The following MYO9B variants were observed in gnomAD, a reference collection of about 807,000 sequenced individuals.
The protein encoded by MYO9B is myosin IXB, also known as unconventional myosin-IXb.
In MYO9B, 71 loss-of-function variants were observed where a neutral mutation model predicts 229.5. That is an observed-to-expected ratio of 0.31 (90% CI 0.26 to 0.38). The LOEUF (loss-of-function observed/expected upper bound fraction) is 0.38. Among genes scored for constraint, MYO9B ranks in the 10% least tolerant of loss-of-function variants. The pLI, the probability that MYO9B is intolerant of heterozygous loss-of-function variation, is 1.00. For synonymous variants in MYO9B, 1,185 were observed against 1,235.8 expected, an observed-to-expected ratio of 0.96 and a Z score of 0.86; for missense variants, 2,255 against 2,920.5, an observed-to-expected ratio of 0.77 and a Z score of 5.25.
chr19:17,146,304 A>G (rs146148943), intron 3 of MYO9B, among the ~76,000 whole-genome samples: 1 of 149,578 alleles, frequency 6.7e-6, no homozygotes, highest in African/African-American at 2.5e-5. Context: ...CATCCATCAC[A>G]GGTGGATGGG....
At chr19:17,175,978 A>G (rs2072783761) in intron 14 of MYO9B, among the ~76,000 whole-genome samples, 1 of 150,854 alleles carries the variant, frequency 6.6e-6, no homozygotes, top group Admixed American at 6.6e-5. Context: ...GATTACAGGC[A>G]TGCGCCACGA....
intron 2 of MYO9B, among the ~76,000 whole-genome samples, chr19:17,144,290 C>T (rs1407929309): frequency 6.6e-6 from 1 of 152,076 alleles, no homozygotes; most frequent in African/African-American, 2.4e-5. Flanking sequence ...CAAATTATGT[C>T]ACAATCTGGA....
intron 14 of MYO9B, 24 bp from the exon 15 acceptor site, chr19:17,180,903 C>T (rs745628397): frequency 1.5e-5 from 23 of 1,502,004 alleles, no homozygotes; most frequent in Admixed American, 3.6e-5. Context: ...TCTGTCACTG[C>T]GCCCCCTCCA....
chr19:17,168,109 C>T lies in MYO9B; in HGVS notation c.1793+45C>T, dbSNP rs770594008. 2.1e-5 allele frequency: 33 copies of T among 1,604,372 alleles called. No individual in the cohort carries two copies. In the South Asian group the frequency reaches 3.7e-4, roughly 18 times the overall value. Reference sequence around the variant, plus strand: ...CCATCCCGGCACATCTACGCATGGGCACTGGGTCAGGTTCTGCAGCCCCCA... The same window carrying T: ...CCATCCCGGCACATCTACGCATGGGTACTGGGTCAGGTTCTGCAGCCCCCA... On this transcript the variant is annotated intron_variant, in intron 11 of 39. Coordinates refer to ENST00000682292, the MANE Select transcript of MYO9B (RefSeq NM_004145.4).
chr19:17,173,697 C>T (rs944413537), intron 13 of MYO9B, among the ~76,000 whole-genome samples: 1 of 152,144 alleles, frequency 6.6e-6, no homozygotes, highest in Admixed American at 6.6e-5. Context: ...TGGTTTGAGG[C>T]AGGGGGTGTG....
In MYO9B at chr19:17,167,470, G is replaced by A. The variant is rs564486505; in HGVS notation, c.1672-473G>A. On this transcript the variant is annotated intron_variant, in intron 10 of 39. Coordinates refer to ENST00000682292, the MANE Select transcript of MYO9B (RefSeq NM_004145.4). ...ATGTTAAATTAAGTGTATTATTAGA[G>A]CTATTTTTTTTTTTTTTTTTTTGTG... Among the ~76,000 whole-genome samples the A allele has an allele frequency of 2.9e-5, 4 of 138,264 alleles. No homozygotes were observed. The South Asian group carries it at 8.8e-4, about 30-fold the overall frequency. 90.7% of individuals were successfully genotyped at this position (138,264 alleles called of 152,430 possible). A position where few individuals can be genotyped will look rare whatever the true frequency, so the allele number is the denominator to read the frequency against.
Position 17,206,800 on chromosome 19 carries a change from C to T in MYO9B, c.5492+16C>T, listed in dbSNP as rs1453041686. Reference sequence around the variant, plus strand: ...ACCTTGTCAAGCAAGTGCCTCCCCACCTGCCCTCTGTGGGGTTAGGGTCGC... The same window carrying T: ...ACCTTGTCAAGCAAGTGCCTCCCCATCTGCCCTCTGTGGGGTTAGGGTCGC... On this transcript the variant is annotated intron_variant, in intron 34 of 39. Coordinates refer to ENST00000682292, the MANE Select transcript of MYO9B (RefSeq NM_004145.4). The T allele has an allele frequency of 5.1e-6, 8 of 1,554,112 alleles. No individual in the cohort carries two copies. The highest frequency in any genetic ancestry group is 1.2e-5 in the South Asian group (1 of 84,812).
At chr19:17,107,024 T>C (rs1247951462) in intron 2 of MYO9B, among the ~76,000 whole-genome samples, 1 of 151,720 alleles carries the variant, frequency 6.6e-6, no homozygotes, top group African/African-American at 2.4e-5. Context: ...TATCGCACCA[T>C]TGCACTCCAG....
At chr19:17,177,313 T>C (rs1419236341) in intron 14 of MYO9B, among the ~76,000 whole-genome samples, 2 of 151,250 alleles carry the variant, frequency 1.3e-5, no homozygotes, top group East Asian at 3.9e-4. Flanking sequence ...GTCCCCCAAG[T>C]TCCCAACAGC....
At chr19:17,209,480 CTG>C (rs2145521938) in intron 35 of MYO9B, 104 bp from the exon 36 acceptor site, 1 of 1,278,352 alleles carries the variant, frequency 7.8e-7, no homozygotes, top group East Asian at 2.5e-5. Flanking sequence ...TGCTTGGTCT[CTG>C]AGCCTCAACC....
rs1034123759 is a variant in MYO9B at position 17,109,167 on chromosome 19, G to A, written c.840+6610G>A. 3.3e-5 allele frequency among the ~76,000 whole-genome samples: 5 copies of A among 151,012 alleles called. No homozygotes were observed. In the East Asian group the frequency reaches 7.8e-4, roughly 24 times the overall value. On this transcript the variant is annotated intron_variant, in intron 2 of 39. Coordinates refer to ENST00000682292, the MANE Select transcript of MYO9B (RefSeq NM_004145.4). ...TGCAAGTTCTGCCTCCCGGGTTCGT[G>A]CCATTCTCCTGCCTCAGCCTCCTGA...
At chr19:17,155,053 AG>A (rs1305983747) in intron 6 of MYO9B, among the ~76,000 whole-genome samples, 4 of 152,132 alleles carry the variant, frequency 2.6e-5, no homozygotes, top group Non-Finnish European at 4.4e-5. Flanking sequence ...GACCACTTAA[AG>A]CCAGGAGTTC....
intron 2 of MYO9B, among the ~76,000 whole-genome samples, chr19:17,118,023 C>G (rs2057923429): frequency 6.6e-6 from 1 of 151,028 alleles, no homozygotes; most frequent in Admixed American, 6.6e-5. Flanking sequence ...GGAGCTGATT[C>G]TGCCATCGGT....
intron 35 of MYO9B, chr19:17,207,481 A>T (rs2073175599): frequency 9.9e-6 from 3 of 301,638 alleles, no homozygotes; most frequent in Non-Finnish European, 1.8e-5. Flanking sequence ...TTGAAATTGG[A>T]AATTTGTATT....
chr19:17,154,276 C>T (rs1160594215), intron 5 of MYO9B, 39 bp from the exon 6 acceptor site: 3 of 1,582,190 alleles, frequency 1.9e-6, no homozygotes, highest in Non-Finnish European at 2.6e-6. Context: ...CCCTTGCCGG[C>T]CCAGGAATGC....
chr19:17,100,202 G>T (rs2057731874), intron 1 of MYO9B, among the ~76,000 whole-genome samples: 2 of 151,804 alleles, frequency 1.3e-5, no homozygotes, highest in South Asian at 4.1e-4. Context: ...AGGCGTGGTG[G>T]CTCACCCCTC....
At chr19:17,175,824 C>CTTT (rs534528766) in intron 14 of MYO9B, 83 bp downstream of exon 14, 265 of 497,468 alleles carry the variant, frequency 5.3e-4, no homozygotes, top group South Asian at 1.3e-3. Context: ...ATGCTACATT[C>CTTT]TTTTTTTTTT....
At chr19:17,085,550 G>A (rs886882628) in intron 1 of MYO9B, among the ~76,000 whole-genome samples, 1 of 152,036 alleles carries the variant, frequency 6.6e-6, no homozygotes, top group African/African-American at 2.4e-5. Flanking sequence ...CTAGCCAGGG[G>A]CAGTGGCTCA....
chr19:17,173,829 G>T (rs1301073270), intron 13 of MYO9B, among the ~76,000 whole-genome samples: 1 of 152,074 alleles, frequency 6.6e-6, no homozygotes, highest in Admixed American at 6.6e-5. Context: ...GCTCACCCAG[G>T]TCTAAGGGCT....
Sources: gnomAD v4.1 joint callset for allele counts (sites outside exome capture counted in the v4.1 genomes callset) on GRCh38, gnomAD v4.1.1 for gene constraint, MANE v1.5 for transcripts, NCBI Gene and HGNC (gene_info 2026-07-23, HGNC 2026-07-21) for gene names.